Variants in GPHN observed in about 807,000 individuals in gnomAD.
GPHN encodes the protein gephyrin.
A neutral mutation model predicts 95.5 loss-of-function variants in GPHN; 17 were observed. The ratio of observed to expected loss-of-function variants is 0.18; its 90% CI spans 0.12 to 0.27. The LOEUF (loss-of-function observed/expected upper bound fraction) is 0.27, where lower values mean the gene tolerates loss of function less well. GPHN is among the 10% of genes least tolerant of loss of function. GPHN has a pLI of 1.00. For missense variants in GPHN, 660 were observed against 978.1 expected (o/e 0.67, Z 4.34); for synonymous variants, 320 against 322.5 (o/e 0.99, Z 0.08).
intron 1 of GPHN, among the ~76,000 whole-genome samples, chr14:66,535,890 G>C (rs2059125547): frequency 6.6e-6 from 1 of 151,900 alleles, no homozygotes; most frequent in Non-Finnish European, 1.5e-5. Context: ...AATCATCTGA[G>C]AATAGTAACT....
chr14:67,355,393 T>C, the GPHN span, among the ~76,000 whole-genome samples: 1 of 122,612 alleles, frequency 8.2e-6, no homozygotes, highest in Non-Finnish European at 1.6e-5. Context: ...CCAGATACAA[T>C]TTAATAATGA....
At chr14:66,946,497 C>CGG (rs976652942) in intron 8 of GPHN, among the ~76,000 whole-genome samples, 4 of 152,130 alleles carry the variant, frequency 2.6e-5, no homozygotes, top group Admixed American at 6.5e-5. Flanking sequence ...ACTCCACCTC[C>CGG]GGGGTTCAAG....
chr14:66,533,636 C>T (rs1249047779), intron 1 of GPHN, among the ~76,000 whole-genome samples: 1 of 152,146 alleles, frequency 6.6e-6, no homozygotes, highest in Non-Finnish European at 1.5e-5. Flanking sequence ...GGAAGGTAAT[C>T]TGGCTGTCAA....
At chr14:66,582,085 T>C (rs757419951) in intron 1 of GPHN, among the ~76,000 whole-genome samples, 3 of 152,024 alleles carry the variant, frequency 2.0e-5, no homozygotes, top group Non-Finnish European at 4.4e-5. Flanking sequence ...GAATCCACAT[T>C]TTTCTCGAGC....
At chr14:67,163,584 A>G (rs2082087834) in intron 19 of GPHN, among the ~76,000 whole-genome samples, 1 of 152,172 alleles carries the variant, frequency 6.6e-6, no homozygotes, top group Non-Finnish European at 1.5e-5. Context: ...ACATCACTGT[A>G]TTACAGCAGA....
At chr14:66,552,599 A>G (rs2059853691) in intron 1 of GPHN, among the ~76,000 whole-genome samples, 1 of 152,168 alleles carries the variant, frequency 6.6e-6, no homozygotes, top group African/African-American at 2.4e-5. Context: ...ATTTCTTACA[A>G]TGTAGATTGA....
the GPHN span, among the ~76,000 whole-genome samples, chr14:67,627,277 A>G: frequency 6.7e-6 from 1 of 148,776 alleles, no homozygotes; most frequent in Non-Finnish European, 1.5e-5. Flanking sequence ...ATATATATAT[A>G]TATATCTGAA....
intron 4 of GPHN, among the ~76,000 whole-genome samples, chr14:66,837,234 C>T (rs2061867728): frequency 6.6e-6 from 1 of 151,630 alleles, no homozygotes; most frequent in African/African-American, 2.4e-5. Flanking sequence ...GAAAATGTGG[C>T]ATATGTACAC....
chr14:66,602,913 A>G (rs1454317572), intron 1 of GPHN, among the ~76,000 whole-genome samples: 1 of 151,884 alleles, frequency 6.6e-6, no homozygotes, highest in Non-Finnish European at 1.5e-5. Context: ...ATTAATTCAT[A>G]TATTTCAATA....
chr14:67,364,545 C>T, the GPHN span: 8 of 441,940 alleles, frequency 1.8e-5, no homozygotes, highest in South Asian at 5.9e-5. Context: ...AGAGAATCAC[C>T]CAAGCATTAC....
intron 20 of GPHN, among the ~76,000 whole-genome samples, chr14:67,168,283 G>T (rs2082398174): frequency 1.3e-5 from 2 of 152,154 alleles, no homozygotes; most frequent in Non-Finnish European, 2.9e-5. Context: ...AGTCCTATTG[G>T]ATTACGGCCA....
rs558644783 is a variant in GPHN, at chr14:66,855,819, C to T, written c.295-24120C>T. The stretch of plus-strand genomic sequence containing the variant: ...ATGTGGTGTGAGGTACGAGTTCATT[C>T]TTACTGCTTAATTATGAATACATGG... On this transcript the variant is annotated intron_variant, in intron 4 of 22. Transcript: ENST00000478722. 5.3e-5 allele frequency among the ~76,000 whole-genome samples: 8 copies of T among 152,062 alleles called. No homozygotes were observed. The East Asian group carries it at 1.4e-3, about 26-fold the overall frequency.
At chr14:67,102,912 A>G (rs1300789024) in intron 13 of GPHN, among the ~76,000 whole-genome samples, 2 of 152,220 alleles carry the variant, frequency 1.3e-5, no homozygotes, top group Admixed American at 6.5e-5. Context: ...AGTTGGCACT[A>G]TAGTGATACA....
At chr14:66,649,982 A>G (rs1187499917) in intron 1 of GPHN, among the ~76,000 whole-genome samples, 1 of 152,030 alleles carries the variant, frequency 6.6e-6, no homozygotes, top group Non-Finnish European at 1.5e-5. Flanking sequence ...TGGTAAACCC[A>G]CCAGCTAACC....
intron 11 of GPHN, among the ~76,000 whole-genome samples, chr14:67,082,869 C>T (rs944418642): frequency 6.6e-6 from 1 of 152,014 alleles, no homozygotes; most frequent in African/African-American, 2.4e-5. Flanking sequence ...ACAGATATAC[C>T]ACAGTTTGTT....
the GPHN span, chr14:67,586,948 AGGTG>A: frequency 6.5e-7 from 1 of 1,544,576 alleles, no homozygotes; most frequent in South Asian, 1.2e-5. Context: ...ATTTTCTCCC[AGGTG>A]GGTATTTTAA....
At chr14:67,408,184 G>A in the GPHN span, among the ~76,000 whole-genome samples, 4 of 151,994 alleles carry the variant, frequency 2.6e-5, no homozygotes, top group Middle Eastern at 3.4e-3. Context: ...TACTCAGGAG[G>A]CTGAGGCATG....
intron 2 of GPHN, among the ~76,000 whole-genome samples, chr14:66,706,216 C>T (rs2069066968): frequency 2.0e-5 from 3 of 152,028 alleles, no homozygotes; most frequent in African/African-American, 4.8e-5. Context: ...GAAACAATAT[C>T]GTGAAAATGG....
intron 1 of GPHN, among the ~76,000 whole-genome samples, chr14:66,592,055 C>T (rs28887818): frequency 2.0e-5 from 3 of 152,034 alleles, no homozygotes; most frequent in East Asian, 1.9e-4. Flanking sequence ...AATGGGGAAA[C>T]GATTCCCTAT....
Sources: allele counts gnomAD v4.1 joint callset (sites outside exome capture counted in the v4.1 genomes callset), GRCh38; gene constraint gnomAD v4.1.1; transcripts MANE v1.5; gene names NCBI Gene and HGNC (gene_info 2026-07-23, HGNC 2026-07-21).